The following CCN4 variants were observed in gnomAD, a reference collection of about 807,000 sequenced individuals.
CCN4 encodes the protein cellular communication network factor 4.
CCN4 carries 30 observed loss-of-function variants against 36.7 expected under a neutral mutation model. The ratio of observed to expected loss-of-function variants is 0.82; its 90% CI spans 0.61 to 1.11. The LOEUF (loss-of-function observed/expected upper bound fraction) is 1.11, where lower values mean the gene tolerates loss of function less well. Ranked by LOEUF, CCN4 falls within the 50% of genes least tolerant of loss-of-function variation. The pLI is 0.00. For synonymous variants in CCN4, 191 were observed against 195.4 expected (o/e 0.98, Z 0.19); for missense variants, 505 against 504.9 (o/e 1.00, Z 0.00).
intron 1 of CCN4, among the ~76,000 whole-genome samples, chr8:133,206,882 T>C (rs763561662): frequency 5.3e-5 from 8 of 152,182 alleles, no homozygotes; most frequent in Non-Finnish European, 8.8e-5. Flanking sequence ...CATTAGAAGC[T>C]GGTATCATTC....
rs142776534 is a variant in CCN4, at chr8:133,220,732, C to T, written c.501C>T (p.Cys167=). ...CLRVRPPRLW[C]PHPRRVSIPG... Reference sequence around the variant, plus strand: ...GAGTGCGCCCCCCGCGTCTCTGGTGCCCCCACCCGCGGCGCGTGAGCATAC... The same window carrying T: ...GAGTGCGCCCCCCGCGTCTCTGGTGTCCCCACCCGCGGCGCGTGAGCATAC... The change falls in exon 3 of 5, where the codon TGC becomes TGT. Residue 167 remains cysteine, a synonymous_variant. Coordinates refer to ENST00000250160, the MANE Select transcript of CCN4 (RefSeq NM_003882.4). The T allele has an allele frequency of 2.3e-4, 365 of 1,613,448 alleles. No homozygotes were observed. Among genetic ancestry groups the T allele is most frequent in the Non-Finnish European group, 3.0e-4 (352 of 1,179,950 alleles).
At chr8:133,217,026 C>A (rs894767847) in intron 2 of CCN4, among the ~76,000 whole-genome samples, 1 of 152,164 alleles carries the variant, frequency 6.6e-6, no homozygotes, top group South Asian at 2.1e-4. Flanking sequence ...CCTAGACAAC[C>A]CAGCTGGAAT....
intron 4 of CCN4, among the ~76,000 whole-genome samples, chr8:133,226,572 A>G (rs1433192207): frequency 6.6e-6 from 1 of 152,190 alleles, no homozygotes; most frequent in East Asian, 1.9e-4. Flanking sequence ...TTAACTGAAA[A>G]CGTACATGGA....
chr8:133,213,433 T>C (rs1854141548), intron 2 of CCN4, among the ~76,000 whole-genome samples: 1 of 152,150 alleles, frequency 6.6e-6, no homozygotes, highest in African/African-American at 2.4e-5. Flanking sequence ...TACCTAAGCC[T>C]GGTTTTGTTC....
intron 1 of CCN4, among the ~76,000 whole-genome samples, chr8:133,198,548 A>C (rs768135882): frequency 6.6e-6 from 1 of 152,048 alleles, no homozygotes; most frequent in Non-Finnish European, 1.5e-5. Context: ...TTGCTGTCAA[A>C]TACTCCTGAG....
At chr8:133,195,921 A>G (rs1853365478) in intron 1 of CCN4, among the ~76,000 whole-genome samples, 1 of 152,206 alleles carries the variant, frequency 6.6e-6, no homozygotes, top group African/African-American at 2.4e-5. Context: ...GCAAACTCCA[A>G]GGGAGGTGGG....
At chr8:133,216,617 T>A (rs758712983) in intron 2 of CCN4, among the ~76,000 whole-genome samples, 1 of 152,236 alleles carries the variant, frequency 6.6e-6, no homozygotes, top group Non-Finnish European at 1.5e-5. Flanking sequence ...ACCTCTGAGT[T>A]ACATCATTTG....
chr8:133,192,039 T>C (rs553071094), intron 1 of CCN4, among the ~76,000 whole-genome samples: 189 of 152,230 alleles, frequency 1.2e-3, no homozygotes, highest in Non-Finnish European at 2.4e-3. Context: ...AGGCAGGCAG[T>C]GCAAGGAGGG....
intron 1 of CCN4, among the ~76,000 whole-genome samples, chr8:133,211,699 C>G (rs930307207): frequency 2.6e-5 from 4 of 152,196 alleles, no homozygotes; most frequent in Admixed American, 2.6e-4. Flanking sequence ...CCACAGAAGC[C>G]CTGGATTCTC....
chr8:133,213,710 A>G (rs2130583899), intron 2 of CCN4, among the ~76,000 whole-genome samples: 1 of 147,620 alleles, frequency 6.8e-6, no homozygotes, highest in East Asian at 2.0e-4. Context: ...TATATATTCT[A>G]TATAGTATAG....
intron 1 of CCN4, among the ~76,000 whole-genome samples, chr8:133,211,915 T>C (rs936733166): frequency 6.6e-6 from 1 of 152,132 alleles, no homozygotes; most frequent in Non-Finnish European, 1.5e-5. Flanking sequence ...GGCAACCAGA[T>C]GGGACAGCAG....
chr8:133,215,979 T>G (rs1389378094), intron 2 of CCN4, among the ~76,000 whole-genome samples: 1 of 144,634 alleles, frequency 6.9e-6, no homozygotes, highest in Non-Finnish European at 1.5e-5. Context: ...ACCCACCCAT[T>G]ACACTACACA....
At chr8:133,210,156 G>T (rs565735684) in intron 1 of CCN4, among the ~76,000 whole-genome samples, 2 of 152,122 alleles carry the variant, frequency 1.3e-5, no homozygotes, top group Non-Finnish European at 2.9e-5. Flanking sequence ...TGTTTCAGGC[G>T]CACAGAGAGA....
chr8:133,224,703 G>A lies in CCN4; in HGVS notation c.611-687G>A, dbSNP rs190061185. Among the ~76,000 whole-genome samples, 6 of 152,222 alleles carry A rather than the reference G, an allele frequency of 3.9e-5. No homozygotes were observed. In the East Asian group the frequency reaches 1.2e-3, roughly 30 times the overall value. On this transcript the variant is annotated intron_variant, in intron 3 of 4. Transcript: ENST00000250160. Reference sequence around the variant, plus strand: ...TAATCCCAACACTTTGGAAGGCTGAGGCGGGTGGATCACCTGAGGTCAGGA... The same window carrying A: ...TAATCCCAACACTTTGGAAGGCTGAAGCGGGTGGATCACCTGAGGTCAGGA...
chr8:133,224,517 C>T (rs752130007), intron 3 of CCN4, among the ~76,000 whole-genome samples: 2 of 151,990 alleles, frequency 1.3e-5, no homozygotes, highest in Admixed American at 6.5e-5. Context: ...CCTGTGTGCC[C>T]TCTTACCCAC....
chr8:133,212,322 G>A (rs1360831623), intron 1 of CCN4, among the ~76,000 whole-genome samples: 3 of 152,062 alleles, frequency 2.0e-5, no homozygotes, highest in African/African-American at 4.8e-5. Flanking sequence ...AGCCCTTTCC[G>A]GATGCTCAGA....
At chr8:133,205,007 G>C (rs887198197) in intron 1 of CCN4, among the ~76,000 whole-genome samples, 4 of 152,250 alleles carry the variant, frequency 2.6e-5, no homozygotes, top group African/African-American at 9.6e-5. Flanking sequence ...CCCCAGGGTA[G>C]TTGTACTTTG....
intron 2 of CCN4, among the ~76,000 whole-genome samples, chr8:133,219,623 C>A (rs987120152): frequency 2.6e-5 from 4 of 152,242 alleles, no homozygotes; most frequent in Non-Finnish European, 5.9e-5. Flanking sequence ...ATTCTATTTA[C>A]AGCATTGTGT....
chr8:133,208,384 G>A (rs1853861086), intron 1 of CCN4, among the ~76,000 whole-genome samples: 1 of 152,174 alleles, frequency 6.6e-6, no homozygotes, highest in South Asian at 2.1e-4. Context: ...AGAGTAACAT[G>A]AACAGTGACA....
Sources: allele counts gnomAD v4.1 joint callset (sites outside exome capture counted in the v4.1 genomes callset), GRCh38; gene constraint gnomAD v4.1.1; transcripts MANE v1.5; gene names NCBI Gene and HGNC (gene_info 2026-07-23, HGNC 2026-07-21).